Variants in USP39 observed in about 807,000 individuals in gnomAD.
USP39 encodes ubiquitin carboxyl-terminal hydrolase 39.
In USP39, 38 loss-of-function variants were observed where a neutral mutation model predicts 66.4. The ratio of observed to expected loss-of-function variants is 0.57; its 90% CI spans 0.44 to 0.75. USP39 has a LOEUF of 0.75. Ranked by LOEUF, USP39 falls within the 30% of genes least tolerant of loss-of-function variation. The probability of loss-of-function intolerance (pLI) is 0.00; values close to 1 mark genes in which losing one functional copy is unlikely to be tolerated. For synonymous variants in USP39, 303 were observed against 274.6 expected (o/e 1.10, Z -1.02); for missense variants, 608 against 714.4 (o/e 0.85, Z 1.70).
Position 85,630,849 on chromosome 2 carries a change from C to G in USP39, c.852C>G (p.Leu284=), listed in dbSNP as rs145229326. Residue 284 remains leucine, a synonymous_variant, in exon 6 of 13, where the codon CTC becomes CTG. Coordinates refer to ENST00000323701, the MANE Select transcript of USP39 (RefSeq NM_006590.4). ...GTTTTGGAGAGCTGATGAGAAAGCT[C>G]TGGAACCCTCGAAATTTCAAGGCAC... The part of the protein sequence containing the change: ...VQRFGELMRK[L]WNPRNFKAHV... 2.0e-5 allele frequency: 32 copies of G among 1,614,104 alleles called. No individual in the cohort carries two copies. The highest frequency in any genetic ancestry group is 2.5e-5 in the Non-Finnish European group (30 of 1,180,056).
In USP39 at chr2:85,621,523, T is replaced by A; in HGVS notation, c.377T>A (p.Ile126Asn). ...TTTGACTTTGAGAAACTGTGTTCTA[T>A]CTCCCTCTCACACATCAATGCTTAT... Reference protein sequence around the residue: ...LDFDFEKLCSISLSHINAYAC... With the variant: ...LDFDFEKLCSNSLSHINAYAC... The change falls in exon 3 of 13, where the codon ATC becomes AAC. Residue 126 changes from isoleucine to asparagine, a missense_variant. By Grantham distance (149) the Ile-to-Asn change is moderately radical. Transcript: ENST00000323701. The A allele has an allele frequency of 1.2e-6, 2 of 1,614,156 alleles. No individual in the cohort carries two copies. The highest frequency in any genetic ancestry group is 1.7e-6 in the Non-Finnish European group (2 of 1,180,012).
upstream of USP39, among the ~76,000 whole-genome samples, chr2:85,615,683 T>G (rs951740520): frequency 6.6e-6 from 1 of 152,120 alleles, no homozygotes; most frequent in Non-Finnish European, 1.5e-5. Flanking sequence ...CAGGCTGGAG[T>G]GCAATGGCGC....
In USP39 at chr2:85,643,804, C is replaced by T. The variant is rs927397020; in HGVS notation, c.1428-1144C>T. On this transcript the variant is annotated intron_variant, in intron 10 of 12. Coordinates refer to ENST00000323701, the MANE Select transcript of USP39 (RefSeq NM_006590.4). ...GTGGGACTACAGGTGCACGCCGCCA[C>T]GCCCAGCTAATTTTTTTTTTTGTAC... 7.9e-5 allele frequency among the ~76,000 whole-genome samples: 12 copies of T among 151,888 alleles called. 1 individual carries two copies. The highest frequency in any genetic ancestry group is 3.9e-4 in the East Asian group (2 of 5,134).
At chr2:85,609,357 A>G (rs1673354892), upstream of USP39, 3 of 1,550,650 alleles carry the variant, frequency 1.9e-6, no homozygotes, top group Admixed American at 1.9e-5. Flanking sequence ...GTCCTGAGGA[A>G]AACAGGGCTC....
At chr2:85,630,381 TA>T (rs1675226122) in intron 5 of USP39, among the ~76,000 whole-genome samples, 1 of 152,224 alleles carries the variant, frequency 6.6e-6, no homozygotes, top group African/African-American at 2.4e-5. Flanking sequence ...CTTATGAATT[TA>T]AGTATTGTCA....
intron 5 of USP39, among the ~76,000 whole-genome samples, chr2:85,629,561 A>G (rs1244630881): frequency 2.1e-5 from 3 of 145,070 alleles, no homozygotes; most frequent in Non-Finnish European, 4.5e-5. Context: ...CAGTGGTGCC[A>G]TCTTGGCTCA....
chr2:85,613,596 T>A (rs1455738541), upstream of USP39, among the ~76,000 whole-genome samples: 1 of 152,126 alleles, frequency 6.6e-6, no homozygotes, highest in Non-Finnish European at 1.5e-5. Context: ...CTCAACAACA[T>A]GGATGGATCA....
At chr2:85,631,581 C>G (rs1307362541) in intron 6 of USP39, among the ~76,000 whole-genome samples, 1 of 152,130 alleles carries the variant, frequency 6.6e-6, no homozygotes, top group Non-Finnish European at 1.5e-5. Flanking sequence ...CCAGGAGATT[C>G]TAGCTGAATA....
chr2:85,609,733 G>A (rs1330243340), upstream of USP39: 2 of 1,039,348 alleles, frequency 1.9e-6, no homozygotes, highest in Admixed American at 2.8e-5. Context: ...CCAGGCTGGA[G>A]TGCAGTGGTG....
At chr2:85,626,057 G>T (rs751807705) in intron 5 of USP39, among the ~76,000 whole-genome samples, 6 of 150,732 alleles carry the variant, frequency 4.0e-5, no homozygotes, top group Non-Finnish European at 5.9e-5. Context: ...TATGTGTACT[G>T]GCCAAGAAAT....
At chr2:85,624,163 C>T (rs962160482) in intron 4 of USP39, among the ~76,000 whole-genome samples, 30 of 152,168 alleles carry the variant, frequency 2.0e-4, no homozygotes, top group Non-Finnish European at 8.8e-5. Flanking sequence ...TAACATACGC[C>T]GTGGCCAGAG....
Position 85,616,457 on chromosome 2 carries a change from G to A in USP39, c.262G>A (p.Val88Met). 1 of 1,545,070 alleles carries A rather than the reference G, an allele frequency of 6.5e-7. No individual in the cohort carries two copies. The highest frequency in any genetic ancestry group is 8.8e-7 in the Non-Finnish European group (1 of 1,140,786). Reference sequence around the variant, plus strand: ...TGAGGACTCGGAGCCTGAGCGGGAGGTGCGAGGTGCGCGGGGCCGGGCCGG... The same window carrying A: ...TGAGGACTCGGAGCCTGAGCGGGAGATGCGAGGTGCGCGGGGCCGGGCCGG... ...VDEDSEPERE[V>M]RAKNGRVDSE... Residue 88 changes from valine (V) to methionine (M), a missense_variant, in exon 1 of 13, where the codon GTG (valine) becomes ATG (methionine). By Grantham distance (21) the Val-to-Met change is conservative. This residue lies in a region of USP39 where 207 missense variants were observed against 145.7 expected (regional missense o/e 1.42). Transcript: ENST00000323701.
intron 1 of USP39, among the ~76,000 whole-genome samples, chr2:85,604,835 A>C (rs1558835448): frequency 6.6e-6 from 1 of 152,248 alleles, no homozygotes; most frequent in Non-Finnish European, 1.5e-5. Flanking sequence ...TATCCAATCA[A>C]GATGAAGGCC....
upstream of USP39, chr2:85,612,018 G>A: frequency 7.0e-7 from 1 of 1,432,708 alleles, no homozygotes; most frequent in Non-Finnish European, 9.2e-7. Context: ...CCGCCGCCTC[G>A]ACGGCCCCAA....
upstream of USP39, chr2:85,611,693 C>T (rs1319379859): frequency 6.3e-7 from 1 of 1,578,562 alleles, no homozygotes; most frequent in Non-Finnish European, 8.6e-7. Context: ...GGTACACCTG[C>T]AGGTCTGGCT....
chr2:85,636,193 C>CGCAATGGCTCATGCCTA (rs983806019), intron 7 of USP39, 63 bp downstream of exon 7: 26 of 1,481,310 alleles, frequency 1.8e-5, no homozygotes, highest in Non-Finnish European at 2.4e-5. Context: ...TGCGGTCGGT[C>CGCAATGGCTCATGCCTA]GCAATGGCTC....
At chr2:85,604,399 A>G (rs879584001) in intron 1 of USP39, among the ~76,000 whole-genome samples, 2 of 151,906 alleles carry the variant, frequency 1.3e-5, no homozygotes, top group Non-Finnish European at 2.9e-5. Flanking sequence ...TTTAGTAGAG[A>G]CGGGGTTTCA....
rs1462682259 is a variant in USP39 at position 85,640,904 on chromosome 2, A to G, written c.1285-72A>G. ...AATTATATTTTAAAAAATCGAAATG[A>G]AAAACTCATGCCCCTGCTCTAATAC... On this transcript the variant is annotated intron_variant, in intron 9 of 12. Transcript: ENST00000323701. The G allele has an allele frequency of 4.9e-6, 7 of 1,440,674 alleles. No individual in the cohort carries two copies. In the African/African-American group the frequency reaches 7.2e-5, roughly 15 times the overall value. 89.2% of individuals were successfully genotyped at this position (1,440,674 alleles called of 1,614,324 possible).
intron 12 of USP39, among the ~76,000 whole-genome samples, chr2:85,648,242 G>A (rs1345465650): frequency 6.6e-6 from 1 of 152,186 alleles, no homozygotes; most frequent in Non-Finnish European, 1.5e-5. Context: ...GTATGAGTGA[G>A]CAAAGAAAGT....
Sources: gnomAD v4.1 joint callset for allele counts (sites outside exome capture counted in the v4.1 genomes callset) on GRCh38, gnomAD v4.1.1 for gene constraint, gnomAD v4.1.1 regional missense constraint, MANE v1.5 for transcripts, NCBI Gene and HGNC (gene_info 2026-07-23, HGNC 2026-07-21) for gene names.